HNRNPA3: variants seen among roughly 807,000 people sequenced by gnomAD.
HNRNPA3 encodes epididymis secretory sperm binding protein.
HNRNPA3 carries 3 observed loss-of-function variants against 45.8 expected under a neutral mutation model. The ratio of observed to expected loss-of-function variants is 0.07; its 90% CI spans 0.03 to 0.17. The LOEUF is 0.17. HNRNPA3 is among the 10% of genes least tolerant of loss of function. HNRNPA3 has a pLI of 1.00. For synonymous variants in HNRNPA3, 170 were observed against 155.6 expected (o/e 1.09, Z -0.69); for missense variants, 183 against 480.3 (o/e 0.38, Z 5.79).
At chr2:177,213,681 T>C (rs1177427110) in intron 1 of HNRNPA3, among the ~76,000 whole-genome samples, 3 of 152,146 alleles carry the variant, frequency 2.0e-5, no homozygotes, top group Non-Finnish European at 2.9e-5. Flanking sequence ...AGCCAGCTCC[T>C]TCCCGGCTCC....
At chr2:177,221,724 T>C (rs1262526555), downstream of HNRNPA3, 4 of 152,660 alleles carry the variant, frequency 2.6e-5, no homozygotes, top group East Asian at 1.9e-4. Flanking sequence ...CTTTTGTGTT[T>C]GGACAAGTCA....
At chr2:177,223,939 TAAAAC>T (rs1227622117), downstream of HNRNPA3, 3 of 152,236 alleles carry the variant, frequency 2.0e-5, no homozygotes, top group Non-Finnish European at 2.9e-5. Flanking sequence ...CAGTAAGTAA[TAAAAC>T]AACAGGAAAC....
chr2:177,220,104 T>C (rs1216794039), downstream of HNRNPA3: 1 of 152,634 alleles, frequency 6.6e-6, no homozygotes. Flanking sequence ...TAAGATTACC[T>C]TCAAATGAAA....
At chr2:177,220,352 T>G (rs1574247271), downstream of HNRNPA3, 1 of 153,434 alleles carries the variant, frequency 6.5e-6, no homozygotes, top group Admixed American at 6.5e-5. Flanking sequence ...TTAGAAACCA[T>G]TCTTAAAAAC....
intron 1 of HNRNPA3, among the ~76,000 whole-genome samples, chr2:177,214,149 T>G (rs1329921958): frequency 6.6e-6 from 1 of 152,190 alleles, no homozygotes; most frequent in Middle Eastern, 3.2e-3. Flanking sequence ...TGTTAAAAAG[T>G]CTTGACTAAA....
intron 8 of HNRNPA3, among the ~76,000 whole-genome samples, chr2:177,218,247 A>G (rs1345152740): frequency 1.3e-5 from 2 of 151,890 alleles, no homozygotes; most frequent in African/African-American, 4.8e-5. Flanking sequence ...CATTTTTAGT[A>G]GAGATGGGGT....
intron 1 of HNRNPA3, 61 bp from the exon 2 acceptor site, chr2:177,215,478 C>T (rs1205165920): frequency 2.0e-6 from 3 of 1,527,558 alleles, no homozygotes; most frequent in Non-Finnish European, 2.7e-6. Flanking sequence ...ATTAAAGGCT[C>T]TTCGTGCATC....
exon 11 of HNRNPA3, chr2:177,220,085 T>C (rs2105437940): frequency 6.5e-6 from 1 of 152,788 alleles, no homozygotes; most frequent in African/African-American, 2.4e-5. Flanking sequence ...TTTGTGAATT[T>C]AATAGCATTA....
chr2:177,217,749 TATG>T, exon 8 of HNRNPA3: 1 of 1,613,186 alleles, frequency 6.2e-7, no homozygotes, highest in Non-Finnish European at 8.5e-7. Flanking sequence ...TAGAGGGGGC[TATG>T]GTGGTGGTGG....
At position 177,216,697 on chromosome 2, in the gene HNRNPA3, A is replaced by G. The variant is rs988224833; in HGVS notation, c.665A>G (p.Asn222Ser). The change falls in exon 6 of 11, where the codon AAT (asparagine) becomes AGT (serine). Residue 222 changes from asparagine (N) to serine (S), a missense_variant. This residue lies in a region of HNRNPA3 where 123 missense variants were observed against 228.8 expected (regional missense o/e 0.54). Coordinates refer to ENST00000392524, the Ensembl canonical transcript of HNRNPA3. ...AAAGGTCGTGGAGGTGGATCTGGCA[A>G]TTTTATGGGTCGCGGAGGGAACTTT... 4.3e-6 allele frequency: 7 copies of G among 1,614,060 alleles called. No homozygotes were observed. The African/African-American group carries it at 5.3e-5, about 12-fold the overall frequency.
Position 177,216,199 on chromosome 2 carries a change from A to G in HNRNPA3, c.553+11A>G, listed in dbSNP as rs1450821295. On this transcript the variant is annotated intron_variant, in intron 4 of 10. Transcript: ENST00000392524. ...TTGATAAAATTGTTGGTAAGTAGCA[A>G]TTTATGGTAACTTGAATGAGAAAGT... 6.6e-7 allele frequency: 1 copy of G among 1,509,906 alleles called. No homozygotes were observed. Among genetic ancestry groups the G allele is most frequent in the African/African-American group, 1.4e-5 (1 of 72,600 alleles). 93.5% of individuals were successfully genotyped at this position (1,509,906 alleles called of 1,614,324 possible).
chr2:177,215,412 T>A, intron 1 of HNRNPA3, 127 bp from the exon 2 acceptor site: 1 of 1,005,572 alleles, frequency 9.9e-7, no homozygotes, highest in Non-Finnish European at 1.5e-6. Flanking sequence ...AAGTTTTAAC[T>A]GGACAAAGTG....
At chr2:177,216,817 A>T in intron 6 of HNRNPA3, 43 bp from the exon 7 acceptor site, 1 of 1,613,564 alleles carries the variant, frequency 6.2e-7, no homozygotes, top group African/African-American at 1.3e-5. Context: ...ACATTTTGGT[A>T]AGTTGAATAT....
chr2:177,216,404 A>G (rs1225607439), intron 4 of HNRNPA3, 99 bp from the exon 5 acceptor site: 3 of 848,006 alleles, frequency 3.5e-6, no homozygotes, highest in African/African-American at 3.4e-5. Flanking sequence ...CTACCTGATT[A>G]TGTCTTAATG....
chr2:177,220,770 C>T (rs994756452), downstream of HNRNPA3: 1 of 152,536 alleles, frequency 6.6e-6, no homozygotes, highest in African/African-American at 2.4e-5. Context: ...CATGTTGTTA[C>T]CAATTTGTTT....
chr2:177,218,618 T>A (rs374872420), intron 8 of HNRNPA3, among the ~76,000 whole-genome samples: 1 of 152,200 alleles, frequency 6.6e-6, no homozygotes, highest in Non-Finnish European at 1.5e-5. Flanking sequence ...TTGAAGCGTT[T>A]AAGCAAGCTA....
intron 1 of HNRNPA3, 34 bp downstream of exon 1, chr2:177,212,905 T>G: frequency 1.5e-6 from 2 of 1,291,964 alleles, no homozygotes; most frequent in East Asian, 3.0e-5. Flanking sequence ...TGGTGGGGAA[T>G]GGCCGGCGTT....
chr2:177,216,240 G>C, intron 4 of HNRNPA3, 52 bp downstream of exon 4: 1 of 1,260,200 alleles, frequency 7.9e-7, no homozygotes, highest in Non-Finnish European at 1.1e-6. Context: ...TGGTTTTTCT[G>C]TTTTGAACTA....
intron 7 of HNRNPA3, 34 bp downstream of exon 7, chr2:177,216,974 T>C (rs772072979): frequency 2.1e-6 from 3 of 1,440,238 alleles, no homozygotes; most frequent in Non-Finnish European, 2.8e-6. Flanking sequence ...GTTTGATATT[T>C]TAACTTTCTT....
Sources: allele counts gnomAD v4.1 joint callset (sites outside exome capture counted in the v4.1 genomes callset), GRCh38; gene constraint gnomAD v4.1.1; regional missense constraint gnomAD v4.1.1; transcripts MANE v1.5; gene names NCBI Gene and HGNC (gene_info 2026-07-23, HGNC 2026-07-21).